LRMDA: variants seen among roughly 807,000 people sequenced by gnomAD.
LRMDA encodes leucine rich melanocyte differentiation associated.
LRMDA carries 18 observed loss-of-function variants against 29.8 expected under a neutral mutation model. That is an observed-to-expected ratio of 0.60 (90% confidence interval 0.42 to 0.90). LRMDA has a LOEUF of 0.90. Among genes scored for constraint, LRMDA ranks in the 40% least tolerant of loss-of-function variants. LRMDA has a pLI of 0.00. For missense variants in LRMDA, 273 were observed against 273.9 expected, an observed-to-expected ratio of 1.00 and a Z score of 0.02; for synonymous variants, 125 against 109.4, an observed-to-expected ratio of 1.14 and a Z score of -0.89.
chr10:75,866,292 G>A (rs1214047650), intron 2 of LRMDA, among the ~76,000 whole-genome samples: 1 of 152,206 alleles, frequency 6.6e-6, no homozygotes, highest in Non-Finnish European at 1.5e-5. Flanking sequence ...GGCACAGCAA[G>A]TGGGCTCATC....
intron 2 of LRMDA, among the ~76,000 whole-genome samples, chr10:75,611,384 C>G (rs1020026283): frequency 8.5e-5 from 13 of 152,184 alleles, no homozygotes. Context: ...ACCATTCAAA[C>G]TATTTTTAAG....
chr10:75,442,465 C>T (rs1564772251), intron 2 of LRMDA, among the ~76,000 whole-genome samples: 1 of 152,090 alleles, frequency 6.6e-6, no homozygotes, highest in Admixed American at 6.5e-5. Context: ...GTTTTTTCTT[C>T]CACATATGGA....
chr10:76,340,258 G>C (rs1301284402), intron 6 of LRMDA, among the ~76,000 whole-genome samples: 1 of 152,050 alleles, frequency 6.6e-6, no homozygotes, highest in Admixed American at 6.6e-5. Context: ...GCTCACGCCT[G>C]TAACCCCAAC....
At position 76,013,716 on chromosome 10, in the gene LRMDA, C is replaced by T. The variant is rs115575817; in HGVS notation, c.132-22292C>T. Among the ~76,000 whole-genome samples, 410 of 152,164 alleles carry T rather than the reference C, an allele frequency of 2.7e-3. 5 individuals carry two copies. Among genetic ancestry groups the T allele is most frequent in the African/African-American group, 9.2e-3 (380 of 41,520 alleles). The stretch of plus-strand genomic sequence containing the variant: ...GGAAGAGTGGAGTTGACAAGCCACA[C>T]CACCCATCTTAGAAGGCCTCTGTGT... On this transcript the variant is annotated intron_variant, in intron 2 of 6. Coordinates refer to ENST00000611255, the MANE Select transcript of LRMDA (RefSeq NM_001305581.2).
At chr10:75,802,207 A>G (rs1041815947) in intron 2 of LRMDA, among the ~76,000 whole-genome samples, 2 of 151,922 alleles carry the variant, frequency 1.3e-5, no homozygotes, top group African/African-American at 4.8e-5. Flanking sequence ...GATCCTAGCT[A>G]CTGAGGAGCC....
chr10:75,699,663 A>G (rs1458497764), intron 2 of LRMDA, among the ~76,000 whole-genome samples: 1 of 152,180 alleles, frequency 6.6e-6, no homozygotes, highest in Non-Finnish European at 1.5e-5. Context: ...ACACTCATCT[A>G]CTGATTGGTT....
intron 1 of LRMDA, among the ~76,000 whole-genome samples, chr10:75,435,471 C>T (rs1445476602): frequency 3.3e-5 from 5 of 152,212 alleles, no homozygotes; most frequent in Non-Finnish European, 5.9e-5. Context: ...AGCCCTTCAG[C>T]CTGGTCGGCT....
Position 76,324,490 on chromosome 10 carries a change from G to A in LRMDA, c.601+5G>A, listed in dbSNP as rs765153993. 1.9e-6 allele frequency: 3 copies of A among 1,613,988 alleles called. No homozygotes were observed. In the South Asian group the frequency reaches 3.3e-5, roughly 18 times the overall value. The stretch of plus-strand genomic sequence containing the variant: ...GGGAACTCACCAGTCACCAAGGTTG[G>A]AACTCAGCTTTTTATTGCTCTCAGT... On this transcript the variant is annotated splice_donor_5th_base_variant and intron_variant, in intron 6 of 6. Transcript: ENST00000611255.
chr10:76,343,345 A>G (rs991520441), intron 6 of LRMDA, among the ~76,000 whole-genome samples: 20 of 152,228 alleles, frequency 1.3e-4, no homozygotes, highest in East Asian at 3.8e-4. Flanking sequence ...ACTCACTCCA[A>G]TGTTAACTAT....
chr10:75,650,325 T>A (rs1281699350), intron 2 of LRMDA, among the ~76,000 whole-genome samples: 1 of 152,206 alleles, frequency 6.6e-6, no homozygotes, highest in African/African-American at 2.4e-5. Context: ...TCCAACTCAC[T>A]TTTTTGGCAT....
intron 5 of LRMDA, among the ~76,000 whole-genome samples, chr10:76,302,769 C>T (rs1242174831): frequency 1.3e-5 from 2 of 152,174 alleles, no homozygotes; most frequent in African/African-American, 4.8e-5. Flanking sequence ...TGAGATATGG[C>T]ACAAATTTGT....
rs569244138 is a variant in LRMDA at position 76,389,696 on chromosome 10, A to G, written c.601+65211A>G. Reference sequence around the variant, plus strand: ...CTATATCTGTGAACTTCACTACTCTAAGTACCTCATATAAATGAAATTAAT... The same window carrying G: ...CTATATCTGTGAACTTCACTACTCTGAGTACCTCATATAAATGAAATTAAT... On this transcript the variant is annotated intron_variant, in intron 6 of 6. Coordinates refer to ENST00000611255, the MANE Select transcript of LRMDA (RefSeq NM_001305581.2). Among the ~76,000 whole-genome samples the G allele has an allele frequency of 1.1e-4, 17 of 152,138 alleles. No individual in the cohort carries two copies. In the East Asian group the frequency reaches 2.5e-3, roughly 22 times the overall value.
chr10:76,234,991 A>C (rs1005676494), intron 5 of LRMDA, among the ~76,000 whole-genome samples: 6 of 152,174 alleles, frequency 3.9e-5, no homozygotes, highest in African/African-American at 2.4e-5. Context: ...TGTTTGGCTA[A>C]TCGTTTGGTA....
intron 2 of LRMDA, among the ~76,000 whole-genome samples, chr10:76,007,025 T>TGTGTGTGTGTGTGTGCGC (rs894279739): frequency 3.6e-5 from 1 of 27,474 alleles, no homozygotes; most frequent in East Asian, 7.3e-4. Flanking sequence ...TGTGTGTGTG[T>TGTGTGTGTGTGTGTGCGC]GTGTGTGCGC....
chr10:76,550,914 T>C (rs2132395456), intron 6 of LRMDA, among the ~76,000 whole-genome samples: 2 of 152,308 alleles, frequency 1.3e-5, no homozygotes, highest in South Asian at 4.1e-4. Context: ...TTTCTCAGGC[T>C]CCACTAAATC....
chr10:76,554,346 G>T (rs1036965148), intron 6 of LRMDA, among the ~76,000 whole-genome samples: 1 of 152,198 alleles, frequency 6.6e-6, no homozygotes, highest in African/African-American at 2.4e-5. Flanking sequence ...TTCAGATCAG[G>T]CTGTTGCCAG....
chr10:76,100,843 C>T (rs903849058), intron 5 of LRMDA, among the ~76,000 whole-genome samples: 1 of 151,994 alleles, frequency 6.6e-6, no homozygotes, highest in Admixed American at 6.6e-5. Flanking sequence ...TACCCTAGTC[C>T]TGCCCCCACT....
intron 2 of LRMDA, among the ~76,000 whole-genome samples, chr10:75,900,553 C>T (rs1845653149): frequency 6.6e-6 from 1 of 152,120 alleles, no homozygotes; most frequent in African/African-American, 2.4e-5. Context: ...AAGGCAAGGG[C>T]ACAAGAAAAA....
chr10:75,494,904 G>T (rs754053034), intron 2 of LRMDA, among the ~76,000 whole-genome samples: 1 of 152,304 alleles, frequency 6.6e-6, no homozygotes, highest in East Asian at 1.9e-4. Flanking sequence ...ATGGGATCTT[G>T]AACTAATCAT....
Sources: gnomAD v4.1 joint callset for allele counts (sites outside exome capture counted in the v4.1 genomes callset) on GRCh38, gnomAD v4.1.1 for gene constraint, MANE v1.5 for transcripts, NCBI Gene and HGNC (gene_info 2026-07-23, HGNC 2026-07-21) for gene names.